The following SUMF1 variants were observed in gnomAD, a reference collection of about 807,000 sequenced individuals.
SUMF1 encodes the protein sulfatase modifying factor 1.
Under a neutral mutation model 47.6 loss-of-function variants are expected in SUMF1, and 48 were observed. The observed-to-expected ratio is 1.01, with a 90% confidence interval of 0.80 to 1.28. The LOEUF is 1.28. Among genes scored for constraint, SUMF1 ranks in the 50% most tolerant of loss-of-function variants. SUMF1 has a pLI of 0.00. For missense variants in SUMF1, 571 were observed against 485.4 expected (o/e 1.18, Z -1.66); for synonymous variants, 230 against 192.1 (o/e 1.20, Z -1.63).
chr3:4,273,821 GGGGAGGGCATGGCAA>G lies in SUMF1; in HGVS notation c.1014+102494_1014+102508del, dbSNP rs1177576926. On this transcript the variant is annotated intron_variant and NMD_transcript_variant, in intron 8 of 12. Coordinates refer to the SUMF1 transcript ENST00000448413. ...GGGCATGGGAGGGGAGGGCATGGGA[GGGGAGGGCATGGCAA>G]GGGAGGGCATGGGAAGGCAGGGCAG... 1.2e-4 allele frequency among the ~76,000 whole-genome samples: 12 copies of G among 96,224 alleles called. 1 individual carries two copies. Among genetic ancestry groups the G allele is most frequent in the African/African-American group, 5.0e-4 (9 of 17,974 alleles). 63.1% of individuals were successfully genotyped at this position (96,224 alleles called of 152,430 possible). A position where few individuals can be genotyped will look rare whatever the true frequency, so the allele number is the denominator to read the frequency against.
At chr3:4,129,271 A>C (rs1337960962) in intron 8 of SUMF1, among the ~76,000 whole-genome samples, 2 of 152,136 alleles carry the variant, frequency 1.3e-5, no homozygotes, top group African/African-American at 4.8e-5. Flanking sequence ...GTAGCACTCA[A>C]CTGTCAAAGG....
At chr3:4,317,059 A>G (rs765416778) in intron 8 of SUMF1, 2 of 1,549,186 alleles carry the variant, frequency 1.3e-6, no homozygotes, top group South Asian at 1.2e-5. Flanking sequence ...TTGCCAACCA[A>G]CTACCACGTC....
chr3:4,410,497 G>A (rs984045281), intron 7 of SUMF1, among the ~76,000 whole-genome samples: 25 of 152,140 alleles, frequency 1.6e-4, no homozygotes, highest in African/African-American at 5.8e-4. Flanking sequence ...CTAGAGGCAT[G>A]ATAAATACCA....
At chr3:4,242,362 G>T (rs1431958126) in intron 8 of SUMF1, among the ~76,000 whole-genome samples, 1 of 152,098 alleles carries the variant, frequency 6.6e-6, no homozygotes, top group Admixed American at 6.5e-5. Context: ...CCAGTTTTCA[G>T]AGGGAATGCT....
At position 4,293,958 on chromosome 3, in the gene SUMF1, G is replaced by A. The variant is rs543375462; in HGVS notation, c.1014+82372C>T. On this transcript the variant is annotated intron_variant and NMD_transcript_variant, in intron 8 of 12. Coordinates refer to the SUMF1 transcript ENST00000448413. ...TGGGAAAGGCTTAGAAACATAAATG[G>A]TGAGAAACTTTATCTTCAGAGAGGC... Among the ~76,000 whole-genome samples, 4 of 152,270 alleles carry A rather than the reference G, an allele frequency of 2.6e-5. No homozygotes were observed. The East Asian group carries it at 5.8e-4, about 22-fold the overall frequency.
At chr3:4,386,624 A>C (rs1431017264) in intron 7 of SUMF1, among the ~76,000 whole-genome samples, 2 of 152,070 alleles carry the variant, frequency 1.3e-5, no homozygotes, top group Non-Finnish European at 2.9e-5. Context: ...ACTGGCTAGA[A>C]ATCCCAGCAC....
intron 8 of SUMF1, among the ~76,000 whole-genome samples, chr3:4,287,528 A>G (rs1328795230): frequency 1.3e-5 from 2 of 152,082 alleles, no homozygotes; most frequent in Non-Finnish European, 2.9e-5. Flanking sequence ...CTCATTCCAC[A>G]TTGATTTTCA....
At chr3:4,326,874 T>G (rs1698956995) in intron 8 of SUMF1, among the ~76,000 whole-genome samples, 2 of 152,178 alleles carry the variant, frequency 1.3e-5, no homozygotes, top group Non-Finnish European at 2.9e-5. Context: ...CAAAGCATTC[T>G]GGTCATATCT....
intron 8 of SUMF1, among the ~76,000 whole-genome samples, chr3:4,309,738 TAGAAAG>T (rs989729740): frequency 2.7e-4 from 41 of 152,320 alleles, no homozygotes; most frequent in African/African-American, 8.9e-4. Flanking sequence ...ATAATTCTAG[TAGAAAG>T]AGAATGCTTC....
At chr3:4,165,304 A>G (rs1430328699) in intron 8 of SUMF1, among the ~76,000 whole-genome samples, 1 of 152,064 alleles carries the variant, frequency 6.6e-6, no homozygotes, top group Non-Finnish European at 1.5e-5. Context: ...TTTAAATCAG[A>G]GAGAGAGAAG....
At chr3:4,298,465 T>C (rs1367679055) in intron 8 of SUMF1, among the ~76,000 whole-genome samples, 1 of 152,194 alleles carries the variant, frequency 6.6e-6, no homozygotes. Flanking sequence ...TATCTTATTC[T>C]GGAAGCACCA....
At chr3:4,435,251 A>G (rs904009493) in intron 3 of SUMF1, among the ~76,000 whole-genome samples, 5 of 152,184 alleles carry the variant, frequency 3.3e-5, no homozygotes, top group African/African-American at 1.2e-4. Context: ...AGCTATTACA[A>G]TCATCGGCTA....
intron 8 of SUMF1, among the ~76,000 whole-genome samples, chr3:4,299,774 C>T (rs1697926264): frequency 1.3e-5 from 2 of 152,154 alleles, no homozygotes; most frequent in Admixed American, 1.3e-4. Context: ...GGCGCCACTG[C>T]ACTCCAGCCT....
At chr3:4,045,963 A>T (rs1694998493) in intron 9 of SUMF1, among the ~76,000 whole-genome samples, 1 of 152,156 alleles carries the variant, frequency 6.6e-6, no homozygotes, top group Admixed American at 6.5e-5. Context: ...AGGCAAGAGG[A>T]TTGCTTGAGG....
intron 3 of SUMF1, among the ~76,000 whole-genome samples, chr3:4,433,601 G>C (rs1702304717): frequency 6.6e-6 from 1 of 152,188 alleles, no homozygotes; most frequent in Non-Finnish European, 1.5e-5. Context: ...TGTTGACGGG[G>C]CCAGTGTTCT....
intron 8 of SUMF1, among the ~76,000 whole-genome samples, chr3:4,079,312 G>A (rs184911683): frequency 6.6e-6 from 1 of 152,084 alleles, no homozygotes; most frequent in Admixed American, 6.5e-5. Flanking sequence ...TCTAATACAG[G>A]GATAATAAAA....
intron 1 of SUMF1, among the ~76,000 whole-genome samples, chr3:4,459,165 G>C (rs150676913): frequency 2.6e-5 from 4 of 152,072 alleles, no homozygotes; most frequent in Admixed American, 2.6e-4. Flanking sequence ...TATATATTTC[G>C]CAATTATTAA....
In SUMF1 at chr3:4,452,984, C is replaced by T. The variant is rs2125133941; in HGVS notation, c.336G>A (p.Gly112=). 1 of 1,614,078 alleles carries T rather than the reference C, an allele frequency of 6.2e-7. No homozygotes were observed. The highest frequency in any genetic ancestry group is 8.5e-7 in the Non-Finnish European group (1 of 1,180,028). ...TAGTAACTCTCCTCGCAGGTGCTTC[C>T]CCATCCTGCTTTATCTGAGGATCAT... ...GTDDPQIKQD[G]EAPARRVTID... is the part of the protein sequence containing the mutation. Residue 112 remains glycine, a synonymous_variant, in exon 2 of 9, where the codon GGG becomes GGA. Coordinates refer to ENST00000272902, the MANE Select transcript of SUMF1 (RefSeq NM_182760.4).
intron 8 of SUMF1, among the ~76,000 whole-genome samples, chr3:4,126,740 G>A (rs1693663079): frequency 1.3e-5 from 2 of 152,004 alleles, no homozygotes; most frequent in African/African-American, 4.8e-5. Flanking sequence ...ATAATATAAG[G>A]AAAGTAAAAA....
Sources: allele counts gnomAD v4.1 joint callset (sites outside exome capture counted in the v4.1 genomes callset), GRCh38; gene constraint gnomAD v4.1.1; transcripts MANE v1.5; gene names NCBI Gene and HGNC (gene_info 2026-07-23, HGNC 2026-07-21).